DIAPH3: variants seen among roughly 807,000 people sequenced by gnomAD.
DIAPH3 encodes protein diaphanous homolog 3.
A neutral mutation model predicts 144.3 loss-of-function variants in DIAPH3; 117 were observed. The observed-to-expected ratio is 0.81, with a 90% CI of 0.70 to 0.95. The LOEUF (loss-of-function observed/expected upper bound fraction) is 0.95, where lower values mean the gene tolerates loss of function less well. Ranked by LOEUF, DIAPH3 falls within the 40% of genes least tolerant of loss-of-function variation. The pLI, the probability that DIAPH3 is intolerant of heterozygous loss-of-function variation, is 0.00. For synonymous variants in DIAPH3, 519 were observed against 488.9 expected, an observed-to-expected ratio of 1.06 and a Z score of -0.81; for missense variants, 1,421 against 1,412.7, an observed-to-expected ratio of 1.01 and a Z score of -0.09.
At chr13:59,756,525 G>T (rs2037283213) in intron 27 of DIAPH3, among the ~76,000 whole-genome samples, 2 of 145,502 alleles carry the variant, frequency 1.4e-5, no homozygotes, top group Admixed American at 1.4e-4. Flanking sequence ...AGTCAGGCAG[G>T]CAGGGAGGGA....
intron 27 of DIAPH3, among the ~76,000 whole-genome samples, chr13:59,745,806 T>C (rs1369063385): frequency 6.6e-6 from 1 of 152,236 alleles, no homozygotes; most frequent in Non-Finnish European, 1.5e-5. Flanking sequence ...TAGGGATATG[T>C]AAAAATTATT....
At chr13:59,856,889 C>G (rs1408326506) in intron 22 of DIAPH3, among the ~76,000 whole-genome samples, 1 of 146,802 alleles carries the variant, frequency 6.8e-6, no homozygotes, top group East Asian at 2.1e-4. Flanking sequence ...ATCATATAGG[C>G]AGATATTGGT....
chr13:60,148,512 C>T (rs1951637449), intron 1 of DIAPH3, among the ~76,000 whole-genome samples: 1 of 152,090 alleles, frequency 6.6e-6, no homozygotes, highest in Non-Finnish European at 1.5e-5. Context: ...AAGCACTAAT[C>T]TAAGTGGTAG....
At chr13:60,125,361 A>T (rs897916351) in intron 2 of DIAPH3, among the ~76,000 whole-genome samples, 5 of 149,164 alleles carry the variant, frequency 3.4e-5, no homozygotes, top group Non-Finnish European at 7.4e-5. Flanking sequence ...CTAGGACTAC[A>T]GGTTCACATC....
chr13:59,744,466 T>C (rs2139071377), intron 27 of DIAPH3, among the ~76,000 whole-genome samples: 1 of 152,282 alleles, frequency 6.6e-6, no homozygotes, highest in Middle Eastern at 3.4e-3. Context: ...TGGCTTTGAA[T>C]GTGGCCCAAC....
chr13:59,827,764 A>G (rs2041528510), intron 24 of DIAPH3, among the ~76,000 whole-genome samples: 1 of 152,010 alleles, frequency 6.6e-6, no homozygotes, highest in African/African-American at 2.4e-5. Flanking sequence ...TCTAATATGA[A>G]TGGAAAGTGG....
chr13:59,976,884 T>A (rs1237664351), intron 14 of DIAPH3, among the ~76,000 whole-genome samples: 1 of 151,842 alleles, frequency 6.6e-6, no homozygotes, highest in African/African-American at 2.4e-5. Flanking sequence ...AAACATATTT[T>A]CAAAACCAAA....
chr13:59,878,436 G>T (rs1182126380), intron 21 of DIAPH3, among the ~76,000 whole-genome samples: 1 of 152,098 alleles, frequency 6.6e-6, no homozygotes, highest in Non-Finnish European at 1.5e-5. Flanking sequence ...TCCCTAACTA[G>T]CTGGCAATAG....
chr13:59,837,315 C>T, intron 23 of DIAPH3, among the ~76,000 whole-genome samples: 1 of 151,996 alleles, frequency 6.6e-6, no homozygotes, highest in East Asian at 1.9e-4. Flanking sequence ...TTTCTGATTT[C>T]CTGCTGGTTG....
chr13:60,061,018 A>G (rs1237986442), intron 4 of DIAPH3, among the ~76,000 whole-genome samples: 1 of 152,082 alleles, frequency 6.6e-6, no homozygotes, highest in East Asian at 1.9e-4. Flanking sequence ...AAGAACATCT[A>G]AACAGTTAAA....
intron 22 of DIAPH3, among the ~76,000 whole-genome samples, chr13:59,844,459 G>A (rs1443252365): frequency 4.7e-5 from 7 of 148,356 alleles, no homozygotes; most frequent in South Asian, 2.1e-4. Flanking sequence ...AGCTGAGATC[G>A]CGCCACTGCA....
intron 9 of DIAPH3, among the ~76,000 whole-genome samples, chr13:59,993,716 A>AAAAAAAAC (rs2051996616): frequency 6.7e-6 from 1 of 150,186 alleles, no homozygotes; most frequent in African/African-American, 2.4e-5. Flanking sequence ...AAAAAAAAAA[A>AAAAAAAAC]AAAAAACTTA....
chr13:59,796,410 T>G lies in DIAPH3; in HGVS notation c.3163+14378A>C, dbSNP rs998119146. Among the ~76,000 whole-genome samples, 3 of 152,240 alleles carry G rather than the reference T, an allele frequency of 2.0e-5. 1 individual carries two copies. Among genetic ancestry groups the G allele is most frequent in the Non-Finnish European group, 4.4e-5 (3 of 68,046 alleles). On this transcript the variant is annotated intron_variant, in intron 25 of 27. Transcript: ENST00000400324. ...TTAATGAGCTCTGTTCTTAATAGAC[T>G]GAAGTGTGGATTGAGTATTTGTCAG...
intron 21 of DIAPH3, among the ~76,000 whole-genome samples, chr13:59,867,797 A>C (rs777075216): frequency 6.6e-6 from 1 of 152,182 alleles, no homozygotes; most frequent in Non-Finnish European, 1.5e-5. Flanking sequence ...ACAAAAAAGG[A>C]CTATTTTCAG....
chr13:60,091,503 G>T (rs919951360), intron 4 of DIAPH3, among the ~76,000 whole-genome samples: 1 of 151,930 alleles, frequency 6.6e-6, no homozygotes, highest in Non-Finnish European at 1.5e-5. Context: ...TTACTATGTT[G>T]CCCAGGCTGG....
chr13:59,684,747 A>G (rs1000208023), intron 27 of DIAPH3, among the ~76,000 whole-genome samples: 4 of 152,200 alleles, frequency 2.6e-5, no homozygotes, highest in Admixed American at 2.0e-4. Flanking sequence ...CTTTGGGAAT[A>G]ATTGATCAAC....
At chr13:60,072,493 A>G (rs2057245927) in intron 4 of DIAPH3, among the ~76,000 whole-genome samples, 1 of 152,218 alleles carries the variant, frequency 6.6e-6, no homozygotes, top group African/African-American at 2.4e-5. Flanking sequence ...GAAAATGTGT[A>G]TTCCTTGCTC....
intron 3 of DIAPH3, among the ~76,000 whole-genome samples, chr13:60,095,481 G>C (rs1001199885): frequency 2.0e-5 from 3 of 152,148 alleles, no homozygotes; most frequent in African/African-American, 7.2e-5. Flanking sequence ...TTCTAGGAAA[G>C]GGGTGGTAAC....
At chr13:59,800,198 A>G (rs552246916) in intron 25 of DIAPH3, among the ~76,000 whole-genome samples, 175 of 152,326 alleles carry the variant, frequency 1.1e-3, no homozygotes, top group African/African-American at 4.1e-3. Flanking sequence ...ATATATTCAG[A>G]TGGAAAATTT....
Sources: allele counts gnomAD v4.1 joint callset (sites outside exome capture counted in the v4.1 genomes callset), GRCh38; gene constraint gnomAD v4.1.1; transcripts MANE v1.5; gene names NCBI Gene and HGNC (gene_info 2026-07-23, HGNC 2026-07-21).